The following ITGA3 variants were observed in gnomAD, a reference collection of about 807,000 sequenced individuals.
The protein encoded by ITGA3 is integrin alpha-3.
ITGA3 carries 70 observed loss-of-function variants against 131.1 expected under a neutral mutation model. That is an observed-to-expected ratio of 0.53 (90% confidence interval 0.44 to 0.65). The LOEUF (loss-of-function observed/expected upper bound fraction) is 0.65. ITGA3 is among the 30% of genes least tolerant of loss of function. The probability of loss-of-function intolerance (pLI) is 0.00; values close to 1 mark genes in which losing one functional copy is unlikely to be tolerated. For missense variants in ITGA3, 1,098 were observed against 1,388.6 expected, an observed-to-expected ratio of 0.79 and a Z score of 3.33; for synonymous variants, 537 against 571.6, an observed-to-expected ratio of 0.94 and a Z score of 0.86.
chr17:50,060,765 T>C (rs1458052456), intron 1 of ITGA3, among the ~76,000 whole-genome samples: 1 of 152,090 alleles, frequency 6.6e-6, no homozygotes, highest in East Asian at 1.9e-4. Flanking sequence ...TCCCTCCACC[T>C]ACTCTCCCTC....
intron 13 of ITGA3, 36 bp from the exon 14 acceptor site, chr17:50,076,548 G>A (rs745855428): frequency 6.2e-7 from 1 of 1,608,152 alleles, no homozygotes; most frequent in South Asian, 1.1e-5. Flanking sequence ...CACTGGGGGG[G>A]GTGGTGCGGC....
intron 23 of ITGA3, 79 bp downstream of exon 23, chr17:50,081,487 C>A: frequency 9.8e-7 from 1 of 1,017,692 alleles, no homozygotes; most frequent in Non-Finnish European, 1.5e-6. Flanking sequence ...AGGACACTGA[C>A]GCACTTCAGC....
In ITGA3 at chr17:50,080,463, G is replaced by GGTGT. The variant is rs113441627; in HGVS notation, c.2820+128_2820+131dup. 1,407 of 506,078 alleles carry GGTGT rather than the reference G, an allele frequency of 2.8e-3. 2 individuals are homozygous for GGTGT. The highest frequency in any genetic ancestry group is 0.013 in the African/African-American group (513 of 40,934). 31.3% of individuals were successfully genotyped at this position (506,078 alleles called of 1,614,324 possible). On this transcript the variant is annotated intron_variant, in intron 22 of 25. Coordinates refer to ENST00000320031, the MANE Select transcript of ITGA3 (RefSeq NM_002204.4). ...AGGGCGAGTCCAGGGTCATAGCATGGGTGTGTGTGTGTGTGTGTGTGTGTG... is the reference window on the plus strand; with the variant it reads ...AGGGCGAGTCCAGGGTCATAGCATGGGTGTGTGTGTGTGTGTGTGTGTGTGTGTG...
intron 1 of ITGA3, among the ~76,000 whole-genome samples, chr17:50,063,195 A>G (rs963772268): frequency 6.6e-6 from 1 of 151,814 alleles, no homozygotes; most frequent in Non-Finnish European, 1.5e-5. Flanking sequence ...TGCATCCCCA[A>G]AGATGGATTC....
intron 1 of ITGA3, among the ~76,000 whole-genome samples, chr17:50,058,228 T>C (rs912680249): frequency 1.3e-5 from 2 of 152,252 alleles, no homozygotes; most frequent in African/African-American, 4.8e-5. Flanking sequence ...TCTAGTGCTC[T>C]TTCCCACTGC....
At chr17:50,080,428 C>G in intron 22 of ITGA3, 53 bp downstream of exon 22, 1 of 1,072,728 alleles carries the variant, frequency 9.3e-7, no homozygotes, top group Non-Finnish European at 1.4e-6. Flanking sequence ...AGGGGGAGAA[C>G]AACAGGGAGA....
intron 1 of ITGA3, chr17:50,063,622 A>G: frequency 5.7e-6 from 1 of 175,090 alleles, no homozygotes; most frequent in Non-Finnish European, 1.2e-5. Flanking sequence ...TCCCCTAAGG[A>G]CCTTCCCAGC....
chr17:50,062,989 C>A (rs1350376804), intron 1 of ITGA3, among the ~76,000 whole-genome samples: 2 of 150,396 alleles, frequency 1.3e-5, no homozygotes, highest in African/African-American at 5.0e-5. Flanking sequence ...TGGGGTGCAC[C>A]AGATTCCACC....
chr17:50,078,373 AC>A (rs1909021960), intron 18 of ITGA3, 89 bp downstream of exon 18: 2 of 1,076,426 alleles, frequency 1.9e-6, no homozygotes, highest in Non-Finnish European at 2.8e-6. Flanking sequence ...AACTCCTCTG[AC>A]CCCTCTCTTG....
Position 50,064,256 on chromosome 17 carries a change from G to A in ITGA3, c.334+52G>A. ...GCTGGGTCAGAGGTCTGGCAGGGGGGTACCGCAGAGAGAATGGCCTGGAGG... is the reference window on the plus strand; with the variant it reads ...GCTGGGTCAGAGGTCTGGCAGGGGGATACCGCAGAGAGAATGGCCTGGAGG... On this transcript the variant is annotated intron_variant, in intron 2 of 25. Coordinates refer to ENST00000320031, the MANE Select transcript of ITGA3 (RefSeq NM_002204.4). The surrounding 1 kb of genome is among the most constrained non-coding windows in gnomAD (Gnocchi z 4.4). The A allele has an allele frequency of 3.8e-6, 6 of 1,564,304 alleles. No individual in the cohort carries two copies. Among genetic ancestry groups the A allele is most frequent in the East Asian group, 4.7e-5 (2 of 42,992 alleles).
intron 23 of ITGA3, among the ~76,000 whole-genome samples, chr17:50,085,511 A>G (rs1043018280): frequency 2.0e-5 from 3 of 151,626 alleles, no homozygotes; most frequent in African/African-American, 7.3e-5. Flanking sequence ...TAAAAATACA[A>G]AAATGAGCTG....
intron 1 of ITGA3, among the ~76,000 whole-genome samples, chr17:50,058,203 C>T (rs199147): frequency 2.6e-5 from 4 of 152,174 alleles, no homozygotes; most frequent in South Asian, 2.1e-4. Context: ...TCCCCCAAAA[C>T]GGGTTGGACC....
intron 9 of ITGA3, 49 bp from the exon 10 acceptor site, chr17:50,074,398 TG>T (rs751326221): frequency 1.8e-4 from 295 of 1,602,608 alleles, no homozygotes; most frequent in Non-Finnish European, 2.0e-4. Context: ...AACTCTGGCC[TG>T]GGGCAGGCAG....
chr17:50,065,292 C>T (rs553558254), intron 3 of ITGA3: 4 of 152,236 alleles, frequency 2.6e-5, no homozygotes, highest in Non-Finnish European at 5.9e-5. Context: ...CTGTGTTCTT[C>T]GTGTTGCCTC....
In ITGA3 at chr17:50,071,478, T is replaced by A; in HGVS notation, c.919T>A (p.Phe307Ile). The change falls in exon 6 of 26, where the codon TTT becomes ATT. Residue 307 changes from phenylalanine to isoleucine, a missense_variant. Phe to Ile is a conservative substitution (Grantham distance 21). Coordinates refer to ENST00000320031, the MANE Select transcript of ITGA3 (RefSeq NM_002204.4). ...VLEGSQVGAY[F>I]GSAIALADLN... is the part of the protein sequence containing the mutation. ...GGAGGGCTCGCAGGTGGGCGCCTAT[T>A]TTGGCAGCGCCATTGCCCTGGCAGA... 2.5e-6 allele frequency: 4 copies of A among 1,612,238 alleles called. No homozygotes were observed. The highest frequency in any genetic ancestry group is 3.4e-6 in the Non-Finnish European group (4 of 1,179,868).
rs190218939 is a variant in ITGA3 at position 50,064,949 on chromosome 17, C to T, written c.414+342C>T. The T allele has an allele frequency of 3.1e-3, 602 of 193,200 alleles. 4 individuals are homozygous for T. Among genetic ancestry groups the T allele is most frequent in the African/African-American group, 0.013 (569 of 42,650 alleles). The allele number at this position is 193,200 out of a possible 1,614,324, so 12.0% of individuals were successfully genotyped here. On this transcript the variant is annotated intron_variant, in intron 3 of 25. Transcript: ENST00000320031. The surrounding 1 kb of genome is among the most constrained non-coding windows in gnomAD (Gnocchi z 4.4). Reference sequence around the variant, plus strand: ...GCAGAGAGGGCCCCAGGCAGCTCAGCGCTGGCTGGCGCTCCTTCCTGGGAG... The same window carrying T: ...GCAGAGAGGGCCCCAGGCAGCTCAGTGCTGGCTGGCGCTCCTTCCTGGGAG...
chr17:50,084,708 C>G (rs1294206726), intron 23 of ITGA3, among the ~76,000 whole-genome samples: 1 of 152,000 alleles, frequency 6.6e-6, no homozygotes, highest in Non-Finnish European at 1.5e-5. Context: ...TCGCTTGAGC[C>G]TAGGAGTTTG....
At chr17:50,067,916 A>T in intron 3 of ITGA3, 140 bp from the exon 4 acceptor site, 1 of 1,110,730 alleles carries the variant, frequency 9.0e-7, no homozygotes, top group Non-Finnish European at 1.3e-6. Flanking sequence ...ATGCAGGTTT[A>T]AGTATCACTG....
intron 25 of ITGA3, 102 bp from the exon 26 acceptor site, chr17:50,089,008 G>T: frequency 2.3e-6 from 2 of 857,698 alleles, no homozygotes; most frequent in Non-Finnish European, 3.8e-6. Flanking sequence ...AAGAGTTCTG[G>T]CTTTGAGGAG....
Sources: allele counts gnomAD v4.1 joint callset (sites outside exome capture counted in the v4.1 genomes callset), GRCh38; gene constraint gnomAD v4.1.1; non-coding constraint Gnocchi (gnomAD v3.1); transcripts MANE v1.5; gene names NCBI Gene and HGNC (gene_info 2026-07-23, HGNC 2026-07-21).